Variants in TACC1 observed in about 807,000 individuals in gnomAD.
The protein encoded by TACC1 is transforming acidic coiled-coil containing protein 1.
Under a neutral mutation model 84.4 loss-of-function variants are expected in TACC1, and 48 were observed. The observed-to-expected ratio is 0.57, with a 90% CI of 0.45 to 0.72. The LOEUF (loss-of-function observed/expected upper bound fraction) is 0.72. TACC1 is among the 30% of genes least tolerant of loss of function. The pLI, the probability that TACC1 is intolerant of heterozygous loss-of-function variation, is 0.00. For missense variants in TACC1, 920 were observed against 973.0 expected (o/e 0.95, Z 0.72); for synonymous variants, 372 against 376.3 (o/e 0.99, Z 0.13).
intron 2 of TACC1, among the ~76,000 whole-genome samples, chr8:38,815,107 C>T (rs1825123132): frequency 6.6e-6 from 1 of 152,196 alleles, no homozygotes; most frequent in South Asian, 2.1e-4. Flanking sequence ...GCTCTCCCAC[C>T]ATGCCACACC....
At chr8:38,816,228 A>C (rs1825413788) in intron 2 of TACC1, among the ~76,000 whole-genome samples, 2 of 152,242 alleles carry the variant, frequency 1.3e-5, no homozygotes, top group Non-Finnish European at 2.9e-5. Context: ...GAAATAGTAC[A>C]TAAAGTGGTT....
At chr8:38,840,471 C>A (rs1349340484) in intron 9 of TACC1, 2 of 446,794 alleles carry the variant, frequency 4.5e-6, no homozygotes, top group East Asian at 7.5e-5. Context: ...GGCTAGCTCT[C>A]TGGGGTCTCT....
At chr8:38,734,362 T>C (rs188623881) in intron 1 of TACC1, among the ~76,000 whole-genome samples, 1 of 152,206 alleles carries the variant, frequency 6.6e-6, no homozygotes, top group East Asian at 1.9e-4. Context: ...CAGCTAATTT[T>C]TGTAGTTTTG....
chr8:38,783,096 ATC>A (rs1296761121), upstream of TACC1, among the ~76,000 whole-genome samples: 3,555 of 116,470 alleles, frequency 0.031, 57 homozygotes, highest in East Asian at 0.074. Flanking sequence ...CTATCTATCT[ATC>A]TATCTATCTA....
chr8:38,845,140 G>T (rs1046760522), intron 11 of TACC1, among the ~76,000 whole-genome samples: 7 of 152,144 alleles, frequency 4.6e-5, no homozygotes, highest in Admixed American at 1.3e-4. Flanking sequence ...GGGCAGGCTG[G>T]TCTCGAACTT....
At chr8:38,814,652 T>C (rs926519026) in intron 2 of TACC1, among the ~76,000 whole-genome samples, 9 of 152,200 alleles carry the variant, frequency 5.9e-5, no homozygotes, top group African/African-American at 2.2e-4. Context: ...AATCCGTTGT[T>C]AAGCAACACA....
intron 2 of TACC1, among the ~76,000 whole-genome samples, chr8:38,818,819 C>G (rs2152197398): frequency 6.7e-6 from 1 of 148,570 alleles, no homozygotes; most frequent in South Asian, 2.1e-4. Flanking sequence ...GAGACAGAGT[C>G]TAGGCTGGAA....
At chr8:38,846,889 A>C in intron 12 of TACC1, 70 bp downstream of exon 12, 1 of 1,577,362 alleles carries the variant, frequency 6.3e-7, no homozygotes, top group South Asian at 1.2e-5. Context: ...TGACTCACTT[A>C]ATGACAGATC....
chr8:38,742,328 C>T, intron 1 of TACC1: 4 of 1,107,768 alleles, frequency 3.6e-6, no homozygotes, highest in Non-Finnish European at 4.9e-6. Flanking sequence ...ATGTGACTCC[C>T]ACCTGACTTA....
rs1337781922 is a variant in TACC1 at position 38,849,236 on chromosome 8, A to G, written c.*1213A>G. 1.3e-5 allele frequency: 2 copies of G among 152,262 alleles called. No individual in the cohort carries two copies. The highest frequency in any genetic ancestry group is 2.9e-5 in the Non-Finnish European group (2 of 68,042). The allele number at this position is 152,262 out of a possible 1,614,324, so 9.4% of individuals were successfully genotyped here. On this transcript the variant is annotated 3_prime_UTR_variant, in exon 13 of 13. Coordinates refer to ENST00000317827, the MANE Select transcript of TACC1 (RefSeq NM_006283.3). ...ATCAGTGCATTTTGCATATTTTTAA[A>G]CAAAGACAGCTTGTTGAATACTGAG...
At chr8:38,824,078 C>G in intron 3 of TACC1, 7 of 1,268,672 alleles carry the variant, frequency 5.5e-6, no homozygotes, top group Non-Finnish European at 7.4e-6. Flanking sequence ...AGTTTCCTCT[C>G]TCCCCTCCCC....
intron 2 of TACC1, among the ~76,000 whole-genome samples, chr8:38,810,611 T>G (rs993387759): frequency 7.3e-5 from 11 of 150,994 alleles, no homozygotes; most frequent in African/African-American, 2.7e-4. Context: ...CTCCAAAAAA[T>G]AAATAAATAT....
At chr8:38,798,392 A>G (rs1820490977) in intron 2 of TACC1, among the ~76,000 whole-genome samples, 3 of 152,100 alleles carry the variant, frequency 2.0e-5, no homozygotes. Context: ...GTGGTTTTCC[A>G]GATTATTCTT....
At chr8:38,799,637 G>T (rs1820878170) in intron 2 of TACC1, 1 of 152,196 alleles carries the variant, frequency 6.6e-6, no homozygotes, top group Non-Finnish European at 1.5e-5. Context: ...AGTAAAAAAA[G>T]CCTTTTGGGC....
At chr8:38,745,838 C>T (rs1231442130) in intron 3 of TACC1, among the ~76,000 whole-genome samples, 2 of 151,896 alleles carry the variant, frequency 1.3e-5, no homozygotes, top group African/African-American at 4.8e-5. Context: ...GCCACCGCAC[C>T]CAGCCTTGTT....
chr8:38,751,361 T>C (rs1221965413), intron 3 of TACC1, among the ~76,000 whole-genome samples: 1 of 152,264 alleles, frequency 6.6e-6, no homozygotes, highest in African/African-American at 2.4e-5. Flanking sequence ...CCGTGTGCTA[T>C]AGCACTGGAG....
At chr8:38,757,521 GCGGCAGCGGGGCACGAGCGCT>G (rs1037128800) in intron 3 of TACC1, 63 of 1,087,316 alleles carry the variant, frequency 5.8e-5, no homozygotes, top group Admixed American at 2.7e-4. Flanking sequence ...GTTCCCGCTG[GCGGCAGCGGGGCACGAGCGCT>G]CGGCAGCGGG....
At chr8:38,843,164 A>G in intron 10 of TACC1, 125 bp from the exon 11 acceptor site, 1 of 595,448 alleles carries the variant, frequency 1.7e-6, no homozygotes, top group Non-Finnish European at 2.9e-6. Context: ...ATTACTGCAG[A>G]GTATGAATAA....
chr8:38,777,781 C>T (rs971703675), intron 3 of TACC1, among the ~76,000 whole-genome samples: 1 of 152,062 alleles, frequency 6.6e-6, no homozygotes, highest in Non-Finnish European at 1.5e-5. Context: ...GACAATAGAG[C>T]AAAACTCTGT....
Sources: gnomAD v4.1 joint callset for allele counts (sites outside exome capture counted in the v4.1 genomes callset) on GRCh38, gnomAD v4.1.1 for gene constraint, MANE v1.5 for transcripts, NCBI Gene and HGNC (gene_info 2026-07-23, HGNC 2026-07-21) for gene names.